TBC1D5: variants seen among roughly 807,000 people sequenced by gnomAD.
The protein encoded by TBC1D5 is TBC1 domain family, member 5.
Under a neutral mutation model 100.3 loss-of-function variants are expected in TBC1D5, and 75 were observed. The ratio of observed to expected loss-of-function variants is 0.75; its 90% CI spans 0.62 to 0.91. The LOEUF (loss-of-function observed/expected upper bound fraction) is 0.91. Ranked by LOEUF, TBC1D5 falls within the 40% of genes least tolerant of loss-of-function variation. The pLI, the probability that TBC1D5 is intolerant of heterozygous loss-of-function variation, is 0.00. For missense variants in TBC1D5, 910 were observed against 942.4 expected (o/e 0.97, Z 0.45); for synonymous variants, 323 against 325.6 (o/e 0.99, Z 0.09).
rs538229950 is a variant in TBC1D5 at position 17,344,525 on chromosome 3, C to T, written c.995+27550G>A. Among the ~76,000 whole-genome samples the T allele has an allele frequency of 1.5e-4, 23 of 151,582 alleles. 1 individual carries two copies. The East Asian group carries it at 4.3e-3, about 28-fold the overall frequency. The stretch of plus-strand genomic sequence containing the variant: ...TTTATAGATTCAATGCCATCCCCAT[C>T]AAGCTACCAATGACTTTCTTCACAG... On this transcript the variant is annotated intron_variant, in intron 13 of 21. Coordinates refer to ENST00000253692, the Ensembl canonical transcript of TBC1D5.
At chr3:17,389,544 G>A (rs1044826047) in intron 8 of TBC1D5, among the ~76,000 whole-genome samples, 23 of 152,032 alleles carry the variant, frequency 1.5e-4, no homozygotes, top group African/African-American at 4.6e-4. Context: ...AGGCCATCGC[G>A]GGTGTTCTCA....
At chr3:17,676,208 T>A (rs1445003401) in intron 1 of TBC1D5, among the ~76,000 whole-genome samples, 2 of 152,164 alleles carry the variant, frequency 1.3e-5, no homozygotes, top group Non-Finnish European at 2.9e-5. Context: ...ATAATTTCAA[T>A]CCTTCTGACT....
exon 22 of TBC1D5, chr3:17,159,439 A>G (rs1032030255): frequency 6.6e-6 from 1 of 152,274 alleles, no homozygotes; most frequent in South Asian, 2.1e-4. Flanking sequence ...GAAGGCCTCC[A>G]CTGCCCGGCT....
Position 17,469,384 on chromosome 3 carries a change from C to T in TBC1D5, c.97+39090G>A, listed in dbSNP as rs2095346633. On this transcript the variant is annotated intron_variant, in intron 3 of 21. Transcript: ENST00000253692. The stretch of plus-strand genomic sequence containing the variant: ...TTACAATGTAAAAACAGAGATTTCC[C>T]AAAGATTCTTACTCTGTTTCTAGCA... Among the ~76,000 whole-genome samples the T allele has an allele frequency of 1.3e-5, 2 of 151,890 alleles. 1 individual carries two copies. Among genetic ancestry groups the T allele is most frequent in the South Asian group, 4.1e-4 (2 of 4,820 alleles).
rs149568479 is a variant in TBC1D5 at position 17,730,840 on chromosome 3, T to C, written c.-101+8503A>G. ...CAGAAGTATTAAAGTAAAGATGTTA[T>C]ACGTGGCCCTGGCACTCACAGAGCA... On this transcript the variant is annotated intron_variant, in intron 1 of 21. Transcript: ENST00000253692. Among the ~76,000 whole-genome samples, 250 of 152,310 alleles carry C rather than the reference T, an allele frequency of 1.6e-3. 1 individual carries two copies. Among genetic ancestry groups the C allele is most frequent in the Middle Eastern group, 6.8e-3 (2 of 294 alleles).
At chr3:17,479,708 T>G (rs2095478787) in intron 3 of TBC1D5, among the ~76,000 whole-genome samples, 1 of 152,186 alleles carries the variant, frequency 6.6e-6, no homozygotes, top group Admixed American at 6.5e-5. Context: ...TATGCTGTTA[T>G]GTACCTGTAG....
intron 1 of TBC1D5, among the ~76,000 whole-genome samples, chr3:17,706,589 TCTA>T (rs1490216346): frequency 6.6e-6 from 1 of 152,160 alleles, no homozygotes; most frequent in African/African-American, 2.4e-5. Flanking sequence ...AAGGATTAAC[TCTA>T]CTATTACATT....
intron 15 of TBC1D5, among the ~76,000 whole-genome samples, chr3:17,271,517 G>C (rs1350270539): frequency 1.3e-5 from 2 of 152,084 alleles, no homozygotes; most frequent in South Asian, 2.1e-4. Context: ...AGTCTTTAAG[G>C]GTTTTCTAGG....
At chr3:17,284,736 T>C (rs1028585836) in intron 15 of TBC1D5, among the ~76,000 whole-genome samples, 2 of 152,234 alleles carry the variant, frequency 1.3e-5, no homozygotes, top group Non-Finnish European at 2.9e-5. Flanking sequence ...AAGATTTTCA[T>C]ATTATTCCTT....
At chr3:17,202,421 T>G (rs1430617926) in intron 18 of TBC1D5, among the ~76,000 whole-genome samples, 2 of 152,234 alleles carry the variant, frequency 1.3e-5, no homozygotes, top group Admixed American at 1.3e-4. Flanking sequence ...ATTTGCAGCC[T>G]GTCCCTGTGG....
At chr3:17,193,412 G>A (rs1245100784) in intron 18 of TBC1D5, among the ~76,000 whole-genome samples, 1 of 152,134 alleles carries the variant, frequency 6.6e-6, no homozygotes, top group African/African-American at 2.4e-5. Flanking sequence ...GTTTACATGC[G>A]AAGAGTTTCA....
chr3:17,496,555 A>T (rs999245543), intron 3 of TBC1D5, among the ~76,000 whole-genome samples: 5 of 152,192 alleles, frequency 3.3e-5, no homozygotes, highest in African/African-American at 1.2e-4. Context: ...AAAATGGACC[A>T]TATAGAAAGA....
intron 3 of TBC1D5, among the ~76,000 whole-genome samples, chr3:17,446,611 A>G (rs1382420662): frequency 6.6e-6 from 1 of 152,244 alleles, no homozygotes; most frequent in Non-Finnish European, 1.5e-5. Context: ...GAAACACTTG[A>G]AAGTATTAAG....
At chr3:17,519,820 G>T (rs1227129896) in intron 2 of TBC1D5, among the ~76,000 whole-genome samples, 2 of 152,238 alleles carry the variant, frequency 1.3e-5, no homozygotes, top group East Asian at 1.9e-4. Context: ...TGAGATAAAA[G>T]ATCTGAGTTT....
At chr3:17,545,129 G>A (rs899695737) in intron 2 of TBC1D5, among the ~76,000 whole-genome samples, 14 of 151,782 alleles carry the variant, frequency 9.2e-5, no homozygotes, top group African/African-American at 1.7e-4. Context: ...TTATGACACC[G>A]AAAAAATCGT....
intron 14 of TBC1D5, among the ~76,000 whole-genome samples, chr3:17,298,032 A>G (rs2082440355): frequency 1.3e-5 from 2 of 152,234 alleles, no homozygotes. Flanking sequence ...GGGGATTAAG[A>G]TTTAGAAAAT....
chr3:17,532,730 G>A (rs940683645), intron 2 of TBC1D5, among the ~76,000 whole-genome samples: 8 of 151,350 alleles, frequency 5.3e-5, no homozygotes, highest in Non-Finnish European at 8.8e-5. Context: ...GCAAACTATC[G>A]CAAGGACAAA....
At chr3:17,241,328 A>G (rs1216060721) in intron 16 of TBC1D5, among the ~76,000 whole-genome samples, 2 of 152,216 alleles carry the variant, frequency 1.3e-5, no homozygotes, top group Non-Finnish European at 2.9e-5. Context: ...TGAAAATTAA[A>G]GTAGTTGTCA....
At chr3:17,732,720 A>AAAATAAATAAGTAAATAAATAAAT (rs1553936806) in intron 1 of TBC1D5, among the ~76,000 whole-genome samples, 14 of 144,876 alleles carry the variant, frequency 9.7e-5, no homozygotes, top group South Asian at 4.5e-4. Flanking sequence ...CCGTCTCAAA[A>AAAATAAATAAGTAAATAAATAAAT]AAATAAATAA....
Sources: gnomAD v4.1 joint callset for allele counts (sites outside exome capture counted in the v4.1 genomes callset) on GRCh38, gnomAD v4.1.1 for gene constraint, MANE v1.5 for transcripts, NCBI Gene and HGNC (gene_info 2026-07-23, HGNC 2026-07-21) for gene names.